ZNF507: variants seen among roughly 807,000 people sequenced by gnomAD.
ZNF507 encodes zinc finger protein 507.
Under a neutral mutation model 80.0 loss-of-function variants are expected in ZNF507, and 29 were observed. The ratio of observed to expected loss-of-function variants is 0.36; its 90% confidence interval spans 0.27 to 0.49. The LOEUF is 0.49. ZNF507 is among the 20% of genes least tolerant of loss of function. ZNF507 has a pLI of 0.98. For synonymous variants in ZNF507, 462 were observed against 422.5 expected, an observed-to-expected ratio of 1.09 and a Z score of -1.15; for missense variants, 1,081 against 1,152.2, an observed-to-expected ratio of 0.94 and a Z score of 0.90.
At chr19:32,365,358 C>T (rs1967384737) in intron 5 of ZNF507, among the ~76,000 whole-genome samples, 1 of 152,048 alleles carries the variant, frequency 6.6e-6, no homozygotes, top group Non-Finnish European at 1.5e-5. Context: ...AGCTATTTAT[C>T]TTTGTTTTTA....
chr19:32,382,351 C>A, intron 5 of ZNF507, 116 bp from the exon 6 acceptor site: 1 of 1,271,692 alleles, frequency 7.9e-7, no homozygotes. Flanking sequence ...CAGTGAAATA[C>A]GATATGTCTA....
chr19:32,353,429 T>C lies in ZNF507; in HGVS notation c.599T>C (p.Leu200Ser). The change falls in exon 3 of 7, where the codon TTG (leucine) becomes TCG (serine). Residue 200 changes from leucine (L) to serine (S), a missense_variant. Transcript: ENST00000355898. The part of the protein sequence containing the change: ...AQQCVSPSSS[L>S]CRKTTERNET... ...CAGTGCGTAAGCCCCTCCAGCTCTT[T>C]GTGTCGGAAAACCACAGAAAGAAAT... The C allele has an allele frequency of 6.2e-7, 1 of 1,614,232 alleles. No homozygotes were observed. The highest frequency in any genetic ancestry group is 1.1e-5 in the South Asian group (1 of 91,092).
intron 5 of ZNF507, among the ~76,000 whole-genome samples, chr19:32,368,857 C>T (rs1302454855): frequency 2.0e-5 from 3 of 152,144 alleles, no homozygotes; most frequent in African/African-American, 7.2e-5. Context: ...CTATTGAAAT[C>T]GTTGTTTATG....
chr19:32,352,432 G>T (rs568514172), intron 2 of ZNF507, among the ~76,000 whole-genome samples: 1 of 151,732 alleles, frequency 6.6e-6, no homozygotes, highest in African/African-American at 2.4e-5. Context: ...GGTTTCACAT[G>T]CCTTGAGAAT....
rs117403269 is a variant in ZNF507 at position 32,375,545 on chromosome 19, T to G, written c.2361-6922T>G. Among the ~76,000 whole-genome samples the G allele has an allele frequency of 5.4e-3, 826 of 152,288 alleles. 3 individuals carry two copies. Among genetic ancestry groups the G allele is most frequent in the Non-Finnish European group, 9.0e-3 (610 of 68,016 alleles). On this transcript the variant is annotated intron_variant, in intron 5 of 6. Transcript: ENST00000355898. Reference sequence around the variant, plus strand: ...GAAAGAAAGAAGAGATATTATAGATTAAAAGAGACTTAAGAGACTTACCAA... The same window carrying G: ...GAAAGAAAGAAGAGATATTATAGATGAAAAGAGACTTAAGAGACTTACCAA...
chr19:32,354,222 AGAC>A lies in ZNF507; in HGVS notation c.1395_1397del (p.Asp465del). The stretch of plus-strand genomic sequence containing the variant: ...TAGGCTGGAGCAGTTCAGAGAAAAA[AGAC>A]GAGTTAATGAATAAAGGCCTGGCTA... On this transcript the variant is annotated inframe_deletion, in exon 3 of 7. Transcript: ENST00000355898. 2 of 1,614,074 alleles carry A rather than the reference AGAC, an allele frequency of 1.2e-6. No homozygotes were observed. The highest frequency in any genetic ancestry group is 8.5e-7 in the Non-Finnish European group (1 of 1,180,034).
At position 32,383,112 on chromosome 19, in the gene ZNF507, G is replaced by T; in HGVS notation, c.*29G>T. On this transcript the variant is annotated 3_prime_UTR_variant, in exon 7 of 7. Transcript: ENST00000355898. Reference sequence around the variant, plus strand: ...GAATAATGACTCGAGCAGGAAAGCAGTAGAAGAGGATTCCTTCACCACAGT... The same window carrying T: ...GAATAATGACTCGAGCAGGAAAGCATTAGAAGAGGATTCCTTCACCACAGT... 6.3e-7 allele frequency: 1 copy of T among 1,592,396 alleles called. No individual in the cohort carries two copies. The highest frequency in any genetic ancestry group is 1.1e-5 in the South Asian group (1 of 88,796).
intron 5 of ZNF507, among the ~76,000 whole-genome samples, chr19:32,366,112 T>C (rs1967395059): frequency 1.3e-5 from 2 of 152,178 alleles, no homozygotes; most frequent in Non-Finnish European, 2.9e-5. Flanking sequence ...CAAAACATAC[T>C]TTTGGAGGTA....
intron 5 of ZNF507, among the ~76,000 whole-genome samples, chr19:32,371,875 G>A (rs143970057): frequency 0.034 from 5,215 of 151,962 alleles, 341 homozygotes; most frequent in Admixed American, 0.17. Context: ...TCCTGACCTC[G>A]TGAACCGCCT....
rs1428483621 is a variant in ZNF507 at position 32,353,417 on chromosome 19, C to T, written c.587C>T (p.Pro196Leu). Residue 196 changes from proline (P) to leucine (L), a missense_variant, in exon 3 of 7, where the codon CCC becomes CTC. Physicochemically the swap from Pro to Leu is moderately conservative, Grantham distance 98 (BLOSUM62 -3). Around this residue, in one of 6 missense-constraint regions of ZNF507, gnomAD observed 275 missense variants for 303.9 expected, o/e 0.90. Transcript: ENST00000355898. ...TCCAAAGCCCAACAGTGCGTAAGCC[C>T]CTCCAGCTCTTTGTGTCGGAAAACC... ...TQSKAQQCVS[P>L]SSSLCRKTTE... The T allele has an allele frequency of 1.2e-6, 2 of 1,614,196 alleles. No individual in the cohort carries two copies. The highest frequency in any genetic ancestry group is 1.7e-6 in the Non-Finnish European group (2 of 1,180,048).
At chr19:32,378,390 A>G (rs1967579320) in intron 5 of ZNF507, among the ~76,000 whole-genome samples, 2 of 152,240 alleles carry the variant, frequency 1.3e-5, no homozygotes, top group East Asian at 3.9e-4. Context: ...ATTGCAGTCT[A>G]GAAGATCTTA....
At position 32,354,068 on chromosome 19, in the gene ZNF507, G is replaced by A. The variant is rs376942615; in HGVS notation, c.1238G>A (p.Arg413His). The change falls in exon 3 of 7, where the codon CGC becomes CAC. Residue 413 changes from arginine to histidine, a missense_variant. By Grantham distance (29) the Arg-to-His change is conservative (BLOSUM62 0). This residue lies in a region of ZNF507 where 614 missense variants were observed against 583.9 expected (regional missense o/e 1.05). Transcript: ENST00000355898. Reference sequence around the variant, plus strand: ...GCTGAAGAAACCCTTTCACAGAAGCGCTTCCTCATGAACACTGAAATGGAA... The same window carrying A: ...GCTGAAGAAACCCTTTCACAGAAGCACTTCCTCATGAACACTGAAATGGAA... ...PSAEETLSQK[R>H]FLMNTEMEEG... 34 of 1,613,958 alleles carry A rather than the reference G, an allele frequency of 2.1e-5. No individual in the cohort carries two copies. The highest frequency in any genetic ancestry group is 1.6e-4 in the Middle Eastern group (1 of 6,084).
rs1021739395 is a variant in ZNF507 at position 32,353,876 on chromosome 19, G to T, written c.1046G>T (p.Ser349Ile). The T allele has an allele frequency of 1.6e-5, 26 of 1,614,028 alleles. No individual in the cohort carries two copies. The Admixed American group carries it at 2.2e-4, about 13-fold the overall frequency. ...EQSAERGVHL[S>I]QSVTLDPNEE... is the part of the protein sequence containing the mutation. Reference sequence around the variant, plus strand: ...AGTGCAGAAAGAGGAGTACACCTAAGTCAGTCAGTTACCCTGGACCCCAAT... The same window carrying T: ...AGTGCAGAAAGAGGAGTACACCTAATTCAGTCAGTTACCCTGGACCCCAAT... Residue 349 changes from serine to isoleucine, a missense_variant, in exon 3 of 7, where the codon AGT (serine) becomes ATT (isoleucine). This residue lies in a region of ZNF507 where 614 missense variants were observed against 583.9 expected (regional missense o/e 1.05). Transcript: ENST00000355898.
chr19:32,356,952 G>C, intron 4 of ZNF507: 1 of 448,330 alleles, frequency 2.2e-6, no homozygotes, highest in South Asian at 3.5e-5. Flanking sequence ...TAGATAGTAA[G>C]GATTCATCTT....
At chr19:32,381,956 GATT>G (rs1265054792) in intron 5 of ZNF507, 2 of 152,228 alleles carry the variant, frequency 1.3e-5, no homozygotes, top group African/African-American at 4.8e-5. Context: ...AACTTTTTAA[GATT>G]ATTTGTTTTA....
chr19:32,354,090 G>A lies in ZNF507; in HGVS notation c.1260G>A (p.Met420Ile), dbSNP rs1307492999. 3 of 1,613,774 alleles carry A rather than the reference G, an allele frequency of 1.9e-6. No homozygotes were observed. The highest frequency in any genetic ancestry group is 1.6e-4 in the Middle Eastern group (1 of 6,084). ...AGCGCTTCCTCATGAACACTGAAAT[G>A]GAAGAAGGGAAGGACCTGAGCCTGA... ...SQKRFLMNTE[M>I]EEGKDLSLTE... Residue 420 changes from methionine (M) to isoleucine (I), a missense_variant, in exon 3 of 7, where the codon ATG becomes ATA. By Grantham distance (10) the Met-to-Ile change is conservative. This residue lies in a region of ZNF507 where 614 missense variants were observed against 583.9 expected (regional missense o/e 1.05). Transcript: ENST00000355898.
intron 5 of ZNF507, chr19:32,380,754 T>C: frequency 1.2e-6 from 1 of 853,712 alleles, no homozygotes; most frequent in South Asian, 1.5e-5. Context: ...CCTGAGTGTT[T>C]GCCCAAATGA....
intron 2 of ZNF507, among the ~76,000 whole-genome samples, chr19:32,347,676 T>C (rs1967113916): frequency 6.6e-6 from 1 of 151,890 alleles, no homozygotes; most frequent in Non-Finnish European, 1.5e-5. Flanking sequence ...TTACACAAAA[T>C]CTACAGAGGC....
rs765734950 is a variant in ZNF507, at chr19:32,375,617, C to T, written c.2361-6850C>T. Among the ~76,000 whole-genome samples, 107 of 152,196 alleles carry T rather than the reference C, an allele frequency of 7.0e-4. 1 individual carries two copies. The highest frequency in any genetic ancestry group is 6.9e-3 in the Middle Eastern group (2 of 290). ...CATTTGGATCCTAATTTGAATAAGACATGTCTGCAAAAATCAGGCAACTTT... is the reference window on the plus strand; with the variant it reads ...CATTTGGATCCTAATTTGAATAAGATATGTCTGCAAAAATCAGGCAACTTT... On this transcript the variant is annotated intron_variant, in intron 5 of 6. Coordinates refer to ENST00000355898, the MANE Select transcript of ZNF507 (RefSeq NM_001136156.2).
Sources: allele counts gnomAD v4.1 joint callset (sites outside exome capture counted in the v4.1 genomes callset), GRCh38; gene constraint gnomAD v4.1.1; regional missense constraint gnomAD v4.1.1; transcripts MANE v1.5; gene names NCBI Gene and HGNC (gene_info 2026-07-23, HGNC 2026-07-21).